Variants in HPSE2 observed in about 807,000 individuals in gnomAD.
HPSE2 encodes inactive heparanase-2.
In HPSE2, 38 loss-of-function variants were observed where a neutral mutation model predicts 60.5. The ratio of observed to expected loss-of-function variants is 0.63; its 90% CI spans 0.48 to 0.82. HPSE2 has a LOEUF of 0.82. HPSE2 is among the 40% of genes least tolerant of loss of function. HPSE2 has a pLI of 0.00. For missense variants in HPSE2, 713 were observed against 740.4 expected (o/e 0.96, Z 0.43); for synonymous variants, 295 against 293.2 (o/e 1.01, Z -0.06).
intron 3 of HPSE2, among the ~76,000 whole-genome samples, chr10:99,017,010 T>A (rs1957158056): frequency 6.6e-6 from 1 of 152,208 alleles, no homozygotes. Flanking sequence ...CCTATTTGCA[T>A]GCCTTTTATT....
intron 3 of HPSE2, among the ~76,000 whole-genome samples, chr10:98,954,072 G>A (rs555308808): frequency 9.2e-5 from 14 of 152,250 alleles, no homozygotes; most frequent in East Asian, 5.8e-4. Flanking sequence ...TTGGGAGGCC[G>A]AGGCAGGTGG....
At chr10:99,253,286 A>G in the HPSE2 span, among the ~76,000 whole-genome samples, 1 of 152,188 alleles carries the variant, frequency 6.6e-6, no homozygotes, top group African/African-American at 2.4e-5. Flanking sequence ...TGGTATAAAA[A>G]CACAGACCAA....
chr10:98,929,444 ATCCTTTCTGG>A (rs2135102840), intron 3 of HPSE2, among the ~76,000 whole-genome samples: 2 of 144,056 alleles, frequency 1.4e-5, no homozygotes, highest in South Asian at 4.2e-4. Flanking sequence ...AATACTCAAG[ATCCTTTCTGG>A]CCCTATTGAT....
intron 3 of HPSE2, among the ~76,000 whole-genome samples, chr10:98,778,515 T>A (rs1337076138): frequency 6.6e-6 from 1 of 152,000 alleles, no homozygotes; most frequent in Non-Finnish European, 1.5e-5. Context: ...TATCTAGCTG[T>A]CCCACAGGGA....
chr10:98,507,134 G>A (rs1173522326), intron 9 of HPSE2, among the ~76,000 whole-genome samples: 2 of 152,176 alleles, frequency 1.3e-5, no homozygotes, highest in East Asian at 3.8e-4. Context: ...ATAAAATTTA[G>A]AATAATGGTT....
rs138352582 is a variant in HPSE2, at chr10:98,761,067, C to T, written c.611-17011G>A. ...AGGTTGTATGCTTCCAGAAATTTCT[C>T]CATTTTGTCTAGGTTATCCAATATG... On this transcript the variant is annotated intron_variant, in intron 3 of 11. Coordinates refer to ENST00000370552, the MANE Select transcript of HPSE2 (RefSeq NM_021828.5). 4.6e-3 allele frequency among the ~76,000 whole-genome samples: 699 copies of T among 152,142 alleles called. 13 individuals are homozygous for T. Among genetic ancestry groups the T allele is most frequent in the African/African-American group, 0.016 (676 of 41,524 alleles).
At chr10:99,010,360 T>A (rs1050024019) in intron 3 of HPSE2, among the ~76,000 whole-genome samples, 6 of 152,194 alleles carry the variant, frequency 3.9e-5, no homozygotes, top group Non-Finnish European at 8.8e-5. Flanking sequence ...GAAGCAATAA[T>A]AATGTTAATG....
intron 3 of HPSE2, among the ~76,000 whole-genome samples, chr10:98,792,958 C>G (rs1328573259): frequency 1.3e-5 from 2 of 152,184 alleles, no homozygotes; most frequent in Admixed American, 1.3e-4. Context: ...TCATCTCCAG[C>G]ATGTCTTAAA....
intron 3 of HPSE2, chr10:99,048,117 G>A: frequency 1.1e-6 from 1 of 946,980 alleles, no homozygotes; most frequent in Admixed American, 1.9e-5. Flanking sequence ...CGTGCTTATG[G>A]CAAAATCAAT....
chr10:98,653,613 T>A (rs907767583), intron 6 of HPSE2, among the ~76,000 whole-genome samples: 4 of 152,154 alleles, frequency 2.6e-5, no homozygotes, highest in Non-Finnish European at 4.4e-5. Context: ...TCATATGCAG[T>A]ACAGGTAATA....
intron 9 of HPSE2, among the ~76,000 whole-genome samples, chr10:98,605,780 TCTGTGCCTGGCAGTGGGTGGACCATAC>T: frequency 6.6e-6 from 1 of 152,340 alleles, no homozygotes; most frequent in East Asian, 1.9e-4. Context: ...GCTGCCTGCC[TCTGTGCCTGGCAGTGGGTGGACCATAC>T]CTCAGGTTGG....
At position 98,624,290 on chromosome 10, in the gene HPSE2, G is replaced by A. The variant is rs909265564; in HGVS notation, c.1099-3582C>T. On this transcript the variant is annotated intron_variant, in intron 7 of 11. Transcript: ENST00000370552. Reference sequence around the variant, plus strand: ...GGGTAAGGTCAGTACTTTAGATAGCGGTCAGAGGGGGCTCATGTGGAAGGT... The same window carrying A: ...GGGTAAGGTCAGTACTTTAGATAGCAGTCAGAGGGGGCTCATGTGGAAGGT... Among the ~76,000 whole-genome samples the A allele has an allele frequency of 1.1e-4, 17 of 152,144 alleles. No homozygotes were observed. In the South Asian group the frequency reaches 1.7e-3, roughly 15 times the overall value.
At chr10:98,946,507 C>T (rs1421263488) in intron 3 of HPSE2, among the ~76,000 whole-genome samples, 1 of 151,236 alleles carries the variant, frequency 6.6e-6, no homozygotes, top group Non-Finnish European at 1.5e-5. Context: ...AAATAAAACC[C>T]ATTGTGACAA....
intron 3 of HPSE2, among the ~76,000 whole-genome samples, chr10:98,763,092 A>G (rs1426125696): frequency 6.6e-6 from 1 of 152,106 alleles, no homozygotes; most frequent in East Asian, 1.9e-4. Context: ...ACCAGAACAA[A>G]AATGACAGAA....
At chr10:99,138,213 A>C (rs1845732874) in intron 3 of HPSE2, among the ~76,000 whole-genome samples, 1 of 152,220 alleles carries the variant, frequency 6.6e-6, no homozygotes. Context: ...GCCAGTTAGA[A>C]TGGTGATCAT....
chr10:99,122,447 CTA>C (rs1193431077), intron 3 of HPSE2, among the ~76,000 whole-genome samples: 13 of 151,778 alleles, frequency 8.6e-5, no homozygotes, highest in African/African-American at 2.9e-4. Context: ...ACAAAACACT[CTA>C]TGAATAAGCT....
At chr10:99,207,140 T>G (rs1429029860) in intron 2 of HPSE2, among the ~76,000 whole-genome samples, 4 of 152,088 alleles carry the variant, frequency 2.6e-5, no homozygotes, top group Admixed American at 2.6e-4. Flanking sequence ...TTGAGAGATT[T>G]CCAAAACCAG....
intron 3 of HPSE2, among the ~76,000 whole-genome samples, chr10:98,789,035 C>T (rs1428091682): frequency 6.6e-6 from 1 of 152,116 alleles, no homozygotes; most frequent in Non-Finnish European, 1.5e-5. Flanking sequence ...CTATAACTTA[C>T]AGTAAATTTT....
At position 98,608,503 on chromosome 10, in the gene HPSE2, T is replaced by C. The variant is rs543514553; in HGVS notation, c.1320+6401A>G. On this transcript the variant is annotated intron_variant, in intron 9 of 11. Transcript: ENST00000370552. ...ATTAGGGGCAAAAGAACTGCCTTCC[T>C]GTCAGATAGTGCAGAGCACAGGCTC... 3.3e-5 allele frequency among the ~76,000 whole-genome samples: 5 copies of C among 152,322 alleles called. No homozygotes were observed. In the South Asian group the frequency reaches 1.0e-3, roughly 32 times the overall value.
Sources: allele counts gnomAD v4.1 joint callset (sites outside exome capture counted in the v4.1 genomes callset), GRCh38; gene constraint gnomAD v4.1.1; transcripts MANE v1.5; gene names NCBI Gene and HGNC (gene_info 2026-07-23, HGNC 2026-07-21).